Variants in PHACTR3 observed in about 807,000 individuals in gnomAD.
PHACTR3 encodes the protein phosphatase and actin regulator 3, also known as protein phosphatase 1, regulatory subunit 123.
In PHACTR3, 16 loss-of-function variants were observed where a neutral mutation model predicts 66.8. The observed-to-expected ratio is 0.24, with a 90% CI of 0.16 to 0.36. The LOEUF is 0.36. Among genes scored for constraint, PHACTR3 ranks in the 10% least tolerant of loss-of-function variants. The probability of loss-of-function intolerance (pLI) is 1.00; values close to 1 mark genes in which losing one functional copy is unlikely to be tolerated. For missense variants in PHACTR3, 647 were observed against 719.9 expected, an observed-to-expected ratio of 0.90 and a Z score of 1.16; for synonymous variants, 323 against 292.1, an observed-to-expected ratio of 1.11 and a Z score of -1.08.
chr20:59,608,262 G>A (rs1297000391), intron 1 of PHACTR3, among the ~76,000 whole-genome samples: 5 of 152,152 alleles, frequency 3.3e-5, no homozygotes, highest in Non-Finnish European at 7.4e-5. Context: ...TGGACTGTGT[G>A]GCGGGGATGA....
chr20:59,617,303 G>T (rs535158175), intron 1 of PHACTR3, among the ~76,000 whole-genome samples: 1 of 152,262 alleles, frequency 6.6e-6, no homozygotes, highest in East Asian at 1.9e-4. Flanking sequence ...TAAACAAAGA[G>T]TTCCATGATG....
At chr20:59,789,421 C>T (rs2041024047) in intron 7 of PHACTR3, among the ~76,000 whole-genome samples, 1 of 152,098 alleles carries the variant, frequency 6.6e-6, no homozygotes, top group African/African-American at 2.4e-5. Context: ...TCAGGGGGTG[C>T]TAGGAGATGT....
chr20:59,708,973 C>T (rs2037816345), intron 1 of PHACTR3, among the ~76,000 whole-genome samples: 1 of 152,210 alleles, frequency 6.6e-6, no homozygotes, highest in Admixed American at 6.5e-5. Flanking sequence ...TTCCAGTCTT[C>T]ATTGGCCTTC....
chr20:59,727,300 C>T (rs1005358996), intron 1 of PHACTR3, among the ~76,000 whole-genome samples: 2 of 152,086 alleles, frequency 1.3e-5, no homozygotes, highest in African/African-American at 4.8e-5. Flanking sequence ...GGGGAATGTT[C>T]CATGGTCTGG....
chr20:59,692,368 A>T (rs114900791), intron 1 of PHACTR3, among the ~76,000 whole-genome samples: 2,605 of 152,314 alleles, frequency 0.017, 55 homozygotes, highest in Middle Eastern at 0.054. Flanking sequence ...TTGAGTAACC[A>T]TCAACTTATA....
intron 1 of PHACTR3, among the ~76,000 whole-genome samples, chr20:59,719,598 C>T (rs1467992015): frequency 6.6e-6 from 1 of 152,174 alleles, no homozygotes; most frequent in Non-Finnish European, 1.5e-5. Context: ...CACCTTCCCC[C>T]AGGGCAATGG....
chr20:59,731,418 T>C (rs2038757063), intron 1 of PHACTR3, among the ~76,000 whole-genome samples: 1 of 152,214 alleles, frequency 6.6e-6, no homozygotes, highest in African/African-American at 2.4e-5. Flanking sequence ...ATCACAATGA[T>C]GACAACAACA....
chr20:59,690,582 A>G (rs1232475938), intron 1 of PHACTR3, among the ~76,000 whole-genome samples: 1 of 152,138 alleles, frequency 6.6e-6, no homozygotes, highest in Non-Finnish European at 1.5e-5. Context: ...TTTGGTGGGG[A>G]GACTGTATTA....
chr20:59,727,178 G>A (rs904746206), intron 1 of PHACTR3, among the ~76,000 whole-genome samples: 12 of 152,084 alleles, frequency 7.9e-5, no homozygotes, highest in Admixed American at 2.6e-4. Context: ...GGAATCATAC[G>A]CTGTACGGAC....
intron 8 of PHACTR3, among the ~76,000 whole-genome samples, chr20:59,816,162 G>A (rs1180491628): frequency 6.6e-6 from 1 of 151,714 alleles, no homozygotes; most frequent in Non-Finnish European, 1.5e-5. Context: ...TGGATCATCA[G>A]GCATTAGATT....
intron 7 of PHACTR3, among the ~76,000 whole-genome samples, chr20:59,801,890 C>A (rs1322672371): frequency 1.3e-5 from 2 of 152,220 alleles, no homozygotes. Flanking sequence ...TTCCTTCCCT[C>A]ACCTGACCAA....
chr20:59,686,106 G>A (rs6100553), intron 1 of PHACTR3, among the ~76,000 whole-genome samples: 29,916 of 152,066 alleles, frequency 0.2, 3,509 homozygotes, highest in East Asian at 0.61. Flanking sequence ...AATTTATAAG[G>A]TGCCCACCTT....
At chr20:59,709,985 A>C (rs1458235841) in intron 1 of PHACTR3, among the ~76,000 whole-genome samples, 1 of 152,114 alleles carries the variant, frequency 6.6e-6, no homozygotes, top group Non-Finnish European at 1.5e-5. Context: ...CCTTTTGCAG[A>C]ACCTGTTGTG....
chr20:59,707,518 T>G (rs1379195307), intron 1 of PHACTR3, among the ~76,000 whole-genome samples: 1 of 143,994 alleles, frequency 6.9e-6, no homozygotes, highest in African/African-American at 2.6e-5. Context: ...TGGAGTGCAG[T>G]GGCAGTGGCA....
chr20:59,620,040 G>A (rs753726247), intron 1 of PHACTR3, among the ~76,000 whole-genome samples: 18 of 152,114 alleles, frequency 1.2e-4, no homozygotes, highest in Non-Finnish European at 1.9e-4. Context: ...GTGCCCCTCC[G>A]AGGCCCTCCC....
rs71183177 is a variant in PHACTR3, at chr20:59,622,981, C to CA, written c.118+17869dup. The stretch of plus-strand genomic sequence containing the variant: ...ATTCTAATTTTACAGCAGCTTTAAC[C>CA]AAAAAAAAAAAAAAAAAAAACCCAA... On this transcript the variant is annotated intron_variant, in intron 1 of 12. Transcript: ENST00000371015. Among the ~76,000 whole-genome samples the CA allele has an allele frequency of 3.3e-3, 106 of 32,224 alleles. 14 individuals carry two copies. The highest frequency in any genetic ancestry group is 4.0e-3 in the Admixed American group (9 of 2,254). 21.1% of individuals were successfully genotyped at this position (32,224 alleles called of 152,430 possible). A position where few individuals can be genotyped will look rare whatever the true frequency, so the allele number is the denominator to read the frequency against.
At chr20:59,769,106 T>C (rs1310272830) in intron 5 of PHACTR3, among the ~76,000 whole-genome samples, 1 of 152,212 alleles carries the variant, frequency 6.6e-6, no homozygotes, top group Non-Finnish European at 1.5e-5. Context: ...GGTCAGTACC[T>C]TTGCATGCTT....
intron 3 of PHACTR3, among the ~76,000 whole-genome samples, chr20:59,753,817 C>T (rs893199450): frequency 8.5e-5 from 13 of 152,200 alleles, no homozygotes; most frequent in Non-Finnish European, 1.2e-4. Flanking sequence ...AAACAGGACA[C>T]TTTTAGGAGT....
chr20:59,593,981 C>T (rs1303153309), intron 1 of PHACTR3, among the ~76,000 whole-genome samples: 1 of 152,226 alleles, frequency 6.6e-6, no homozygotes, highest in Non-Finnish European at 1.5e-5. Context: ...GTTGGGGATG[C>T]TAGGCCTTTT....
Sources: gnomAD v4.1 joint callset for allele counts (sites outside exome capture counted in the v4.1 genomes callset) on GRCh38, gnomAD v4.1.1 for gene constraint, MANE v1.5 for transcripts, NCBI Gene and HGNC (gene_info 2026-07-23, HGNC 2026-07-21) for gene names.